Variants in CFAP221 observed in about 807,000 individuals in gnomAD.
CFAP221 encodes cilia- and flagella-associated protein 221.
In CFAP221, 97 loss-of-function variants were observed where a neutral mutation model predicts 113.1. The observed-to-expected ratio is 0.86, with a 90% CI of 0.73 to 1.02. CFAP221 has a LOEUF of 1.02. CFAP221 is among the 50% of genes least tolerant of loss of function. The pLI is 0.00. For missense variants in CFAP221, 1,025 were observed against 1,013.4 expected, an observed-to-expected ratio of 1.01 and a Z score of -0.16; for synonymous variants, 331 against 354.4, an observed-to-expected ratio of 0.93 and a Z score of 0.74.
intron 3 of CFAP221, among the ~76,000 whole-genome samples, chr2:119,556,566 T>G (rs1377379550): frequency 6.6e-6 from 1 of 151,792 alleles, no homozygotes; most frequent in Non-Finnish European, 1.5e-5. Context: ...CTTTTTTTTT[T>G]TTTTGAGACA....
rs566060826 is a variant in CFAP221, at chr2:119,650,424, G to A, written c.2319-1550G>A. Among the ~76,000 whole-genome samples, 6 of 152,304 alleles carry A rather than the reference G, an allele frequency of 3.9e-5. No individual in the cohort carries two copies. The East Asian group carries it at 1.2e-3, about 29-fold the overall frequency. The stretch of plus-strand genomic sequence containing the variant: ...TTCATATTTGCTTCAGCTTCTTTCC[G>A]CCAGGCCCACTGGGGAGATGTTCAG... On this transcript the variant is annotated intron_variant, in intron 22 of 23. Transcript: ENST00000413369.
In CFAP221 at chr2:119,604,808, T is replaced by G; in HGVS notation, c.912+16T>G. On this transcript the variant is annotated intron_variant, in intron 9 of 23. Coordinates refer to ENST00000413369, the MANE Select transcript of CFAP221 (RefSeq NM_001271049.2). ...GAAGGTGAAGGTACGGTGGGCCTTGTCCTTGGTGCGATGAAAGGGTGACAG... is the reference window on the plus strand; with the variant it reads ...GAAGGTGAAGGTACGGTGGGCCTTGGCCTTGGTGCGATGAAAGGGTGACAG... 6.3e-7 allele frequency: 1 copy of G among 1,593,180 alleles called. No individual in the cohort carries two copies. Among genetic ancestry groups the G allele is most frequent in the South Asian group, 1.1e-5 (1 of 88,354 alleles).
chr2:119,584,237 A>C (rs1423000056), intron 6 of CFAP221, among the ~76,000 whole-genome samples: 5 of 152,198 alleles, frequency 3.3e-5, no homozygotes, highest in African/African-American at 7.2e-5. Flanking sequence ...CAAAAAATAA[A>C]CTATGGCTTG....
At chr2:119,570,930 A>G (rs1258001888) in intron 6 of CFAP221, among the ~76,000 whole-genome samples, 2 of 152,072 alleles carry the variant, frequency 1.3e-5, no homozygotes, top group Non-Finnish European at 2.9e-5. Context: ...TGGTAAATCT[A>G]TGTTTAATAT....
intron 16 of CFAP221, 48 bp from the exon 17 acceptor site, chr2:119,629,826 CT>C: frequency 7.0e-7 from 1 of 1,437,798 alleles, no homozygotes; most frequent in South Asian, 1.2e-5. Context: ...AGCATAGCCA[CT>C]CTTGCTCAGT....
chr2:119,601,357 C>T lies in CFAP221; in HGVS notation c.771C>T (p.Cys257=). The change falls in exon 8 of 24, where the codon TGC becomes TGT. Residue 257 remains cysteine (C), a synonymous_variant. Coordinates refer to ENST00000413369, the MANE Select transcript of CFAP221 (RefSeq NM_001271049.2). ...ACGAATGTGTCTTCACCGGAACATG[C>T]TATCCCAACATGGCCTTACCGTATG... The part of the protein sequence containing the change: ...QPYECVFTGT[C]YPNMALPLEE... The T allele has an allele frequency of 2.6e-6, 4 of 1,531,786 alleles. No individual in the cohort carries two copies. Among genetic ancestry groups the T allele is most frequent in the Non-Finnish European group, 3.5e-6 (4 of 1,144,158 alleles). The allele number at this position is 1,531,786 out of a possible 1,614,324, so 94.9% of individuals were successfully genotyped here.
intron 21 of CFAP221, among the ~76,000 whole-genome samples, chr2:119,643,647 C>T (rs1002195835): frequency 2.6e-5 from 4 of 152,114 alleles, no homozygotes; most frequent in Non-Finnish European, 4.4e-5. Flanking sequence ...CAGGTTCAAG[C>T]GATTCTCTGC....
intron 6 of CFAP221, among the ~76,000 whole-genome samples, chr2:119,566,980 C>G (rs888932550): frequency 6.6e-6 from 1 of 151,958 alleles, no homozygotes; most frequent in African/African-American, 2.4e-5. Flanking sequence ...ACTTTATATT[C>G]TTATAGCAGT....
chr2:119,628,294 G>GGTGTGTGTGTGTGT (rs70949303), intron 16 of CFAP221, among the ~76,000 whole-genome samples: 91 of 137,578 alleles, frequency 6.6e-4, no homozygotes, highest in Admixed American at 2.3e-3. Flanking sequence ...CTCTCTGGGG[G>GGTGTGTGTGTGTGT]GTGTGTGTGT....
At position 119,601,287 on chromosome 2, in the gene CFAP221, A is replaced by G; in HGVS notation, c.701A>G (p.Gln234Arg). ...KFTPFQYGTAQIKMQLWISQF... is the reference protein window; with the variant it reads ...KFTPFQYGTARIKMQLWISQF... ...ACACCCTTTCAGTATGGGACTGCACAAATAAAAATGCAGTTATGGATTTCG... is the reference window on the plus strand; with the variant it reads ...ACACCCTTTCAGTATGGGACTGCACGAATAAAAATGCAGTTATGGATTTCG... The change falls in exon 8 of 24, where the codon CAA becomes CGA. Residue 234 changes from glutamine (Q) to arginine (R), a missense_variant. By Grantham distance (43) the Gln-to-Arg change is conservative (BLOSUM62 1). Transcript: ENST00000413369. 1 of 1,535,838 alleles carries G rather than the reference A, an allele frequency of 6.5e-7. No individual in the cohort carries two copies. The highest frequency in any genetic ancestry group is 8.7e-7 in the Non-Finnish European group (1 of 1,146,664).
intron 21 of CFAP221, among the ~76,000 whole-genome samples, chr2:119,645,144 C>T (rs1184889006): frequency 6.6e-6 from 1 of 151,794 alleles, no homozygotes; most frequent in African/African-American, 2.4e-5. Context: ...CTCTCTCTCT[C>T]TCTGTCTTTC....
chr2:119,549,795 T>C (rs1232688739), intron 3 of CFAP221, among the ~76,000 whole-genome samples: 11 of 152,196 alleles, frequency 7.2e-5, no homozygotes, highest in Non-Finnish European at 1.6e-4. Context: ...TCAGCCCCAC[T>C]GAAGAACAGG....
chr2:119,596,371 C>T (rs1297496201), intron 7 of CFAP221, among the ~76,000 whole-genome samples: 1 of 152,206 alleles, frequency 6.6e-6, no homozygotes, highest in African/African-American at 2.4e-5. Context: ...TGGGTGCTGT[C>T]TCCGCGATGT....
At chr2:119,628,294 G>GGGGGTGT (rs1553491014) in intron 16 of CFAP221, among the ~76,000 whole-genome samples, 11 of 137,586 alleles carry the variant, frequency 8.0e-5, no homozygotes, top group African/African-American at 2.7e-4. Flanking sequence ...CTCTCTGGGG[G>GGGGGTGT]GTGTGTGTGT....
rs566573795 is a variant in CFAP221, at chr2:119,559,315, G to A, written c.241-374G>A. Among the ~76,000 whole-genome samples the A allele has an allele frequency of 3.9e-5, 6 of 152,202 alleles. No individual in the cohort carries two copies. The South Asian group carries it at 1.2e-3, about 32-fold the overall frequency. ...TGGCATGTAATTAGAGAACCTTTAG[G>A]AATTGGTGCCTGACTTAGCTCGATT... On this transcript the variant is annotated intron_variant, in intron 3 of 23. Transcript: ENST00000413369.
At chr2:119,610,528 G>T (rs1468212694) in intron 12 of CFAP221, among the ~76,000 whole-genome samples, 2 of 152,018 alleles carry the variant, frequency 1.3e-5, no homozygotes, top group Non-Finnish European at 2.9e-5. Flanking sequence ...TGATCTATTT[G>T]CCAGTCCCTT....
chr2:119,546,734 G>A (rs918821763), intron 2 of CFAP221, among the ~76,000 whole-genome samples: 10 of 152,092 alleles, frequency 6.6e-5, no homozygotes, highest in South Asian at 2.1e-4. Flanking sequence ...CATCCCCATC[G>A]CCATGCCCCA....
chr2:119,642,397 A>G (rs1687545368), intron 21 of CFAP221, among the ~76,000 whole-genome samples: 1 of 152,188 alleles, frequency 6.6e-6, no homozygotes, highest in Non-Finnish European at 1.5e-5. Context: ...TTTATTTCTC[A>G]GTTCTGGAGA....
rs1393560259 is a variant in CFAP221, at chr2:119,608,553, T to C, written c.1185T>C (p.Leu395=). The stretch of plus-strand genomic sequence containing the variant: ...TGTCTTTTAAACTTAAAAAAGAGCT[T>C]ACTGAAGAGTGGCAAAAAGCATGTG... ...DPMSFKLKKE[L]TEEWQKACAK... Residue 395 remains leucine, a synonymous_variant, in exon 12 of 24, where the codon CTT becomes CTC. Transcript: ENST00000413369. 2.0e-5 allele frequency: 33 copies of C among 1,613,746 alleles called. No individual in the cohort carries two copies. The highest frequency in any genetic ancestry group is 2.7e-5 in the Non-Finnish European group (32 of 1,179,890).
Sources: allele counts gnomAD v4.1 joint callset (sites outside exome capture counted in the v4.1 genomes callset), GRCh38; gene constraint gnomAD v4.1.1; transcripts MANE v1.5; gene names NCBI Gene and HGNC (gene_info 2026-07-23, HGNC 2026-07-21).